The following CNTNAP2 variants were observed in gnomAD, a reference collection of about 807,000 sequenced individuals.
CNTNAP2 encodes the protein contactin-associated protein-like 2.
Under a neutral mutation model 155.2 loss-of-function variants are expected in CNTNAP2, and 98 were observed. The observed-to-expected ratio is 0.63, with a 90% confidence interval of 0.54 to 0.75. The LOEUF (loss-of-function observed/expected upper bound fraction) is 0.75, where lower values mean the gene tolerates loss of function less well. CNTNAP2 is among the 30% of genes least tolerant of loss of function. The pLI is 0.00. For synonymous variants in CNTNAP2, 651 were observed against 631.2 expected (o/e 1.03, Z -0.47); for missense variants, 1,727 against 1,688.1 (o/e 1.02, Z -0.40).
intron 1 of CNTNAP2, among the ~76,000 whole-genome samples, chr7:146,482,378 ATATG>A (rs922608130): frequency 5.8e-4 from 86 of 147,604 alleles, no homozygotes; most frequent in Non-Finnish European, 7.4e-4. Flanking sequence ...AGAGGGATAT[ATATG>A]TATGTGTGTG....
chr7:147,708,388 AG>A (rs1796350319), intron 13 of CNTNAP2, among the ~76,000 whole-genome samples: 1 of 152,280 alleles, frequency 6.6e-6, no homozygotes, highest in South Asian at 2.1e-4. Flanking sequence ...GCTGCAGGTG[AG>A]GAATGTCAAT....
At chr7:146,527,226 C>T (rs1218020124) in intron 1 of CNTNAP2, among the ~76,000 whole-genome samples, 1 of 152,040 alleles carries the variant, frequency 6.6e-6, no homozygotes, top group Non-Finnish European at 1.5e-5. Context: ...ATAATATTAA[C>T]TAAATGGCTT....
At chr7:147,328,412 T>C (rs1466552831) in intron 9 of CNTNAP2, among the ~76,000 whole-genome samples, 1 of 152,138 alleles carries the variant, frequency 6.6e-6, no homozygotes, top group Non-Finnish European at 1.5e-5. Flanking sequence ...GTCCAGGTCA[T>C]CCAGGGTCAA....
At chr7:146,564,558 A>G (rs1798328649) in intron 1 of CNTNAP2, among the ~76,000 whole-genome samples, 1 of 145,786 alleles carries the variant, frequency 6.9e-6, no homozygotes, top group Non-Finnish European at 1.5e-5. Flanking sequence ...GCAAATAAAT[A>G]TTATATAATG....
At chr7:148,012,287 AG>A (rs1802095178) in intron 15 of CNTNAP2, among the ~76,000 whole-genome samples, 1 of 152,236 alleles carries the variant, frequency 6.6e-6, no homozygotes, top group Non-Finnish European at 1.5e-5. Context: ...ACCTTAAAAA[AG>A]ACACTTGTTA....
chr7:147,041,644 A>G (rs1378416350), intron 3 of CNTNAP2, among the ~76,000 whole-genome samples: 1 of 152,230 alleles, frequency 6.6e-6, no homozygotes, highest in Non-Finnish European at 1.5e-5. Flanking sequence ...ATGCACTTCC[A>G]TAGTTCCTTT....
chr7:147,815,562 T>G (rs1328462885), intron 13 of CNTNAP2, among the ~76,000 whole-genome samples: 1 of 152,158 alleles, frequency 6.6e-6, no homozygotes, highest in East Asian at 1.9e-4. Context: ...GAGAACACTC[T>G]CTACTTTTAA....
chr7:147,605,464 A>G (rs976940534), intron 12 of CNTNAP2, among the ~76,000 whole-genome samples: 5 of 152,146 alleles, frequency 3.3e-5, no homozygotes, highest in Admixed American at 6.6e-5. Context: ...GAGGTGAGGA[A>G]AGGAAATGCA....
intron 1 of CNTNAP2, among the ~76,000 whole-genome samples, chr7:146,282,710 A>AG (rs1800269948): frequency 1.3e-5 from 2 of 152,152 alleles, no homozygotes; most frequent in South Asian, 2.1e-4. Flanking sequence ...AAGGTAGGCT[A>AG]CAGTTTTAAA....
intron 1 of CNTNAP2, among the ~76,000 whole-genome samples, chr7:146,212,249 T>C (rs1349480723): frequency 6.6e-6 from 1 of 152,186 alleles, no homozygotes; most frequent in Non-Finnish European, 1.5e-5. Flanking sequence ...AAGTACATTA[T>C]TTTGAAGCCC....
At chr7:146,837,458 A>G (rs770855260) in intron 2 of CNTNAP2, among the ~76,000 whole-genome samples, 4 of 152,142 alleles carry the variant, frequency 2.6e-5, no homozygotes, top group East Asian at 1.9e-4. Context: ...AAAAATGTTT[A>G]TATGTTTTAT....
At chr7:146,799,283 T>C (rs1205715168) in intron 2 of CNTNAP2, among the ~76,000 whole-genome samples, 1 of 152,234 alleles carries the variant, frequency 6.6e-6, no homozygotes, top group Non-Finnish European at 1.5e-5. Flanking sequence ...ATAAAATCTA[T>C]GGTAACCCAT....
intron 13 of CNTNAP2, among the ~76,000 whole-genome samples, chr7:147,829,782 T>G (rs944936118): frequency 2.0e-5 from 3 of 152,104 alleles, no homozygotes; most frequent in African/African-American, 7.2e-5. Context: ...CAGTAACAAT[T>G]GGAACAGGCC....
chr7:146,158,521 G>C (rs1401307647), intron 1 of CNTNAP2, among the ~76,000 whole-genome samples: 2 of 152,172 alleles, frequency 1.3e-5, no homozygotes, highest in Non-Finnish European at 2.9e-5. Flanking sequence ...TGGCTAACTA[G>C]AATAAACAGT....
At chr7:148,001,513 T>G (rs897939729) in intron 15 of CNTNAP2, among the ~76,000 whole-genome samples, 3 of 152,234 alleles carry the variant, frequency 2.0e-5, no homozygotes, top group African/African-American at 7.2e-5. Context: ...ATAGGACGAC[T>G]TGGTGGTTAA....
chr7:148,314,854 G>A (rs1797659288), intron 21 of CNTNAP2, among the ~76,000 whole-genome samples: 1 of 152,186 alleles, frequency 6.6e-6, no homozygotes, highest in South Asian at 2.1e-4. Flanking sequence ...AAACACCAAG[G>A]GAAGACTGTC....
chr7:147,092,471 T>A (rs1270113083), intron 4 of CNTNAP2, among the ~76,000 whole-genome samples: 1 of 152,182 alleles, frequency 6.6e-6, no homozygotes, highest in Non-Finnish European at 1.5e-5. Context: ...CAAAATAATA[T>A]CTAAAATTCT....
chr7:147,539,529 G>A (rs974672599), intron 11 of CNTNAP2, among the ~76,000 whole-genome samples: 3 of 152,126 alleles, frequency 2.0e-5, no homozygotes, highest in African/African-American at 4.8e-5. Context: ...AATATTACTG[G>A]ACTACTAAAC....
intron 12 of CNTNAP2, among the ~76,000 whole-genome samples, chr7:147,568,387 G>A (rs1475313296): frequency 6.6e-6 from 1 of 152,106 alleles, no homozygotes; most frequent in Non-Finnish European, 1.5e-5. Context: ...ACTGTCTGCA[G>A]CTCAGAGCTA....
Sources: gnomAD v4.1 joint callset for allele counts (sites outside exome capture counted in the v4.1 genomes callset) on GRCh38, gnomAD v4.1.1 for gene constraint, MANE v1.5 for transcripts, NCBI Gene and HGNC (gene_info 2026-07-23, HGNC 2026-07-21) for gene names.